Variants in IGF2BP2 observed in about 807,000 individuals in gnomAD.
IGF2BP2 encodes the protein insulin like growth factor 2 mRNA binding protein 2.
In IGF2BP2, 17 loss-of-function variants were observed where a neutral mutation model predicts 75.8. That is an observed-to-expected ratio of 0.22 (90% CI 0.15 to 0.34). IGF2BP2 has a LOEUF of 0.34. Among genes scored for constraint, IGF2BP2 ranks in the 10% least tolerant of loss-of-function variants. The pLI, the probability that IGF2BP2 is intolerant of heterozygous loss-of-function variation, is 1.00. For synonymous variants in IGF2BP2, 288 were observed against 295.6 expected, an observed-to-expected ratio of 0.97 and a Z score of 0.26; for missense variants, 516 against 772.4, an observed-to-expected ratio of 0.67 and a Z score of 3.93.
chr3:185,777,322 G>GCCAAAA (rs1372331900), intron 2 of IGF2BP2, among the ~76,000 whole-genome samples: 1 of 151,982 alleles, frequency 6.6e-6, no homozygotes. Flanking sequence ...TAAAAGATTA[G>GCCAAAA]CCAAAACCAA....
intron 2 of IGF2BP2, among the ~76,000 whole-genome samples, chr3:185,723,424 G>A (rs1220133967): frequency 2.6e-5 from 4 of 152,180 alleles, no homozygotes; most frequent in South Asian, 2.1e-4. Context: ...CAAGGATGCT[G>A]CATCCCAGAG....
chr3:185,701,316 G>T (rs1467058980), intron 2 of IGF2BP2, among the ~76,000 whole-genome samples: 1 of 147,006 alleles, frequency 6.8e-6, no homozygotes, highest in Non-Finnish European at 1.5e-5. Context: ...TATTAGGGTT[G>T]CCTTAATATA....
intron 2 of IGF2BP2, among the ~76,000 whole-genome samples, chr3:185,783,855 G>A (rs1395073974): frequency 6.6e-6 from 1 of 152,106 alleles, no homozygotes; most frequent in Non-Finnish European, 1.5e-5. Flanking sequence ...CAAACATATA[G>A]TAGAGTACCT....
intron 2 of IGF2BP2, among the ~76,000 whole-genome samples, chr3:185,749,193 T>A (rs1445518974): frequency 2.0e-5 from 3 of 151,976 alleles, no homozygotes; most frequent in East Asian, 3.9e-4. Flanking sequence ...GAAAAAAAAA[T>A]TCTCTCTTTT....
intron 6 of IGF2BP2, among the ~76,000 whole-genome samples, chr3:185,687,948 C>T (rs1378928615): frequency 6.6e-6 from 1 of 151,714 alleles, no homozygotes; most frequent in Non-Finnish European, 1.5e-5. Flanking sequence ...TTCAAGCCAC[C>T]TTACACAATT....
chr3:185,740,788 T>C lies in IGF2BP2; in HGVS notation c.240-42441A>G, dbSNP rs561637057. Among the ~76,000 whole-genome samples the C allele has an allele frequency of 5.3e-5, 8 of 152,330 alleles. No homozygotes were observed. The East Asian group carries it at 1.5e-3, about 29-fold the overall frequency. On this transcript the variant is annotated intron_variant, in intron 2 of 15. Transcript: ENST00000382199. ...CCCAAACTGGACTTATGCTCTTAATTACCAAGCTTTGTGGTCTATACTCAC... is the reference window on the plus strand; with the variant it reads ...CCCAAACTGGACTTATGCTCTTAATCACCAAGCTTTGTGGTCTATACTCAC...
chr3:185,731,846 G>A (rs529477053), intron 2 of IGF2BP2, among the ~76,000 whole-genome samples: 87 of 152,074 alleles, frequency 5.7e-4, no homozygotes, highest in African/African-American at 1.8e-3. Flanking sequence ...GCCGGGCGTC[G>A]GGGCGGGTGC....
rs1732008601 is a variant in IGF2BP2 at position 185,759,088 on chromosome 3, CA to C, written c.240-60742del. Among the ~76,000 whole-genome samples the C allele has an allele frequency of 2.6e-5, 4 of 152,278 alleles. No individual in the cohort carries two copies. The South Asian group carries it at 8.3e-4, about 32-fold the overall frequency. ...TAGACACACAAATGTTTGCTGAACACAAGAATGAGTTTCAGTTACAATGGAA... is the reference window on the plus strand; with the variant it reads ...TAGACACACAAATGTTTGCTGAACACAGAATGAGTTTCAGTTACAATGGAA... On this transcript the variant is annotated intron_variant, in intron 2 of 15. Transcript: ENST00000382199.
chr3:185,737,534 G>A (rs1668689717), intron 2 of IGF2BP2, among the ~76,000 whole-genome samples: 1 of 152,136 alleles, frequency 6.6e-6, no homozygotes, highest in Non-Finnish European at 1.5e-5. Flanking sequence ...CAAAGAATGT[G>A]TGCATATAGT....
At chr3:185,648,233 G>A (rs1713939591) in intron 14 of IGF2BP2, among the ~76,000 whole-genome samples, 1 of 152,158 alleles carries the variant, frequency 6.6e-6, no homozygotes. Flanking sequence ...GAGGCGGGCG[G>A]ATCACCTGAG....
At chr3:185,811,878 C>CTCT (rs59643123) in intron 2 of IGF2BP2, among the ~76,000 whole-genome samples, 2 of 52,576 alleles carry the variant, frequency 3.8e-5, no homozygotes, top group Non-Finnish European at 6.3e-5. Context: ...CTCTCTCTCT[C>CTCT]CCCCTCTCCC....
At chr3:185,783,993 G>C (rs1441867177) in intron 2 of IGF2BP2, among the ~76,000 whole-genome samples, 1 of 152,142 alleles carries the variant, frequency 6.6e-6, no homozygotes, top group African/African-American at 2.4e-5. Context: ...CCAGCCCTTT[G>C]GGAGGCCAAG....
chr3:185,740,565 T>C (rs1013478742), intron 2 of IGF2BP2, among the ~76,000 whole-genome samples: 11 of 152,244 alleles, frequency 7.2e-5, no homozygotes, highest in Non-Finnish European at 1.3e-4. Context: ...ATAATCATAA[T>C]AGTTAAAACT....
intron 2 of IGF2BP2, among the ~76,000 whole-genome samples, chr3:185,751,655 A>G (rs1471722642): frequency 1.3e-5 from 2 of 151,630 alleles, no homozygotes; most frequent in African/African-American, 2.4e-5. Flanking sequence ...CAAAAAAAAG[A>G]AAAGAAAGAA....
chr3:185,773,548 A>T (rs527840807), intron 2 of IGF2BP2, among the ~76,000 whole-genome samples: 1 of 152,352 alleles, frequency 6.6e-6, no homozygotes, highest in East Asian at 1.9e-4. Flanking sequence ...TACTTAGTTA[A>T]AAACAGAACA....
At chr3:185,701,753 T>G (rs1297905681) in intron 2 of IGF2BP2, among the ~76,000 whole-genome samples, 1 of 152,272 alleles carries the variant, frequency 6.6e-6, no homozygotes, top group South Asian at 2.1e-4. Context: ...CAGATCAGGA[T>G]GGAAAGGAAG....
intron 2 of IGF2BP2, among the ~76,000 whole-genome samples, chr3:185,745,821 T>C (rs1357868614): frequency 6.7e-6 from 1 of 149,346 alleles, no homozygotes; most frequent in East Asian, 1.9e-4. Flanking sequence ...CCATTTCGTA[T>C]TGTGAATGCC....
At chr3:185,777,696 G>T (rs1734695264) in intron 2 of IGF2BP2, among the ~76,000 whole-genome samples, 6 of 152,140 alleles carry the variant, frequency 3.9e-5, no homozygotes, top group Admixed American at 3.9e-4. Flanking sequence ...AGGAATAAAT[G>T]TTTGCAAAGC....
chr3:185,820,616 T>C (rs1467247401), intron 2 of IGF2BP2, among the ~76,000 whole-genome samples: 2 of 152,110 alleles, frequency 1.3e-5, no homozygotes, highest in African/African-American at 4.8e-5. Flanking sequence ...TATGCTATTA[T>C]AAAATGATGC....
Sources: allele counts gnomAD v4.1 joint callset (sites outside exome capture counted in the v4.1 genomes callset), GRCh38; gene constraint gnomAD v4.1.1; transcripts MANE v1.5; gene names NCBI Gene and HGNC (gene_info 2026-07-23, HGNC 2026-07-21).